STXBP5L: variants seen among roughly 807,000 people sequenced by gnomAD.
The protein encoded by STXBP5L is syntaxin binding protein 5L.
Under a neutral mutation model 144.5 loss-of-function variants are expected in STXBP5L, and 65 were observed. The observed-to-expected ratio is 0.45, with a 90% confidence interval of 0.37 to 0.55. The LOEUF (loss-of-function observed/expected upper bound fraction) is 0.55. STXBP5L is among the 20% of genes least tolerant of loss of function. STXBP5L has a pLI of 0.00. For synonymous variants in STXBP5L, 505 were observed against 469.6 expected, an observed-to-expected ratio of 1.08 and a Z score of -0.97; for missense variants, 1,298 against 1,405.5, an observed-to-expected ratio of 0.92 and a Z score of 1.22.
At chr3:120,995,069 C>T (rs1943232805) in intron 3 of STXBP5L, among the ~76,000 whole-genome samples, 2 of 152,084 alleles carry the variant, frequency 1.3e-5, no homozygotes, top group South Asian at 2.1e-4. Flanking sequence ...TATATTAAGA[C>T]ATTTACCATT....
intron 5 of STXBP5L, among the ~76,000 whole-genome samples, chr3:121,094,188 C>T (rs1318928182): frequency 1.3e-5 from 2 of 152,094 alleles, no homozygotes; most frequent in African/African-American, 2.4e-5. Flanking sequence ...AGCTTTACTT[C>T]CAACTATGTG....
intron 18 of STXBP5L, among the ~76,000 whole-genome samples, chr3:121,264,519 A>C (rs1380175601): frequency 6.6e-6 from 1 of 152,188 alleles, no homozygotes; most frequent in Non-Finnish European, 1.5e-5. Context: ...CACTGCAAAA[A>C]CATACCAAAT....
At chr3:121,057,492 A>T (rs1229887660) in intron 5 of STXBP5L, among the ~76,000 whole-genome samples, 1 of 152,094 alleles carries the variant, frequency 6.6e-6, no homozygotes, top group East Asian at 1.9e-4. Flanking sequence ...GTTACCTTCC[A>T]GTCACTTACC....
At chr3:121,253,601 G>GTA (rs1577310774) in intron 15 of STXBP5L, among the ~76,000 whole-genome samples, 1 of 147,132 alleles carries the variant, frequency 6.8e-6, no homozygotes, top group Non-Finnish European at 1.5e-5. Context: ...ATATATATGT[G>GTA]TATATATATG....
chr3:121,045,799 C>A (rs1947480722), intron 5 of STXBP5L, among the ~76,000 whole-genome samples: 1 of 152,118 alleles, frequency 6.6e-6, no homozygotes, highest in Non-Finnish European at 1.5e-5. Flanking sequence ...CTCATATTAT[C>A]TTCAAAGAGA....
chr3:121,093,135 G>A (rs1040126053), intron 5 of STXBP5L, among the ~76,000 whole-genome samples: 27 of 152,206 alleles, frequency 1.8e-4, no homozygotes, highest in Middle Eastern at 3.2e-3. Context: ...TTTGATCATG[G>A]TGGAGAAGCT....
intron 3 of STXBP5L, among the ~76,000 whole-genome samples, chr3:120,989,511 T>A (rs1942625490): frequency 6.6e-6 from 1 of 152,180 alleles, no homozygotes; most frequent in Non-Finnish European, 1.5e-5. Flanking sequence ...GTTGTTTGAA[T>A]TCCTTGTAGA....
rs145779944 is a variant in STXBP5L, at chr3:121,352,882, T to G, written c.2177-25834T>G. Reference sequence around the variant, plus strand: ...TCAATATCTAGTTTATTGAGAGTTCTTAGCATGAAGGGCTGTTGAGTTTTG... The same window carrying G: ...TCAATATCTAGTTTATTGAGAGTTCGTAGCATGAAGGGCTGTTGAGTTTTG... On this transcript the variant is annotated intron_variant, in intron 20 of 26. Transcript: ENST00000471454. 2.5e-3 allele frequency among the ~76,000 whole-genome samples: 380 copies of G among 152,326 alleles called. 2 individuals carry two copies. Among genetic ancestry groups the G allele is most frequent in the African/African-American group, 8.6e-3 (357 of 41,566 alleles).
At chr3:121,024,113 C>T (rs2107471000) in intron 3 of STXBP5L, among the ~76,000 whole-genome samples, 1 of 152,162 alleles carries the variant, frequency 6.6e-6, no homozygotes, top group East Asian at 1.9e-4. Context: ...GCGAAAGACA[C>T]TCTTAAAGGA....
intron 2 of STXBP5L, among the ~76,000 whole-genome samples, chr3:120,940,642 A>AG (rs1296155126): frequency 6.6e-6 from 1 of 151,432 alleles, no homozygotes; most frequent in Non-Finnish European, 1.5e-5. Context: ...GGGTGGAAAA[A>AG]AAAAAACAGT....
intron 3 of STXBP5L, among the ~76,000 whole-genome samples, chr3:120,996,089 CT>C (rs1463475581): frequency 6.6e-6 from 1 of 152,016 alleles, no homozygotes; most frequent in Non-Finnish European, 1.5e-5. Context: ...CTTCTGGCCT[CT>C]ATAGTTTCAG....
In STXBP5L at chr3:120,957,082, T is replaced by A. The variant is rs551627062; in HGVS notation, c.287+2045T>A. ...GAACCATTTGTTGACAAGACTGTCTTATCCATTGAATGGTACTGGCACCCT... is the reference window on the plus strand; with the variant it reads ...GAACCATTTGTTGACAAGACTGTCTAATCCATTGAATGGTACTGGCACCCT... On this transcript the variant is annotated intron_variant, in intron 3 of 26. Coordinates refer to ENST00000471454, the MANE Select transcript of STXBP5L (RefSeq NM_001308330.2). 3.5e-4 allele frequency among the ~76,000 whole-genome samples: 53 copies of A among 152,132 alleles called. 2 individuals are homozygous for A. In the South Asian group the frequency reaches 0.011, roughly 31 times the overall value.
intron 20 of STXBP5L, among the ~76,000 whole-genome samples, chr3:121,328,108 C>T (rs1305325156): frequency 6.6e-6 from 1 of 152,160 alleles, no homozygotes; most frequent in African/African-American, 2.4e-5. Flanking sequence ...AAGGCTTTAT[C>T]AAGTGTGCTG....
intron 3 of STXBP5L, among the ~76,000 whole-genome samples, chr3:120,992,146 T>G (rs1942955974): frequency 6.6e-6 from 1 of 151,934 alleles, no homozygotes; most frequent in Non-Finnish European, 1.5e-5. Context: ...TAAAAAAACT[T>G]ATTTATTTAT....
chr3:121,085,971 C>A (rs2107710375), intron 5 of STXBP5L, among the ~76,000 whole-genome samples: 1 of 152,178 alleles, frequency 6.6e-6, no homozygotes, highest in East Asian at 1.9e-4. Flanking sequence ...CCAAAACAGA[C>A]ACATAGACCA....
At chr3:121,000,010 G>A (rs746115955) in intron 3 of STXBP5L, among the ~76,000 whole-genome samples, 5 of 152,104 alleles carry the variant, frequency 3.3e-5, no homozygotes, top group African/African-American at 4.8e-5. Context: ...CTTTTTAGGT[G>A]ACCTCCCCTT....
chr3:121,125,450 A>C (rs763794082), intron 7 of STXBP5L, among the ~76,000 whole-genome samples: 1 of 152,032 alleles, frequency 6.6e-6, no homozygotes, highest in Non-Finnish European at 1.5e-5. Flanking sequence ...CAGCCTGGGC[A>C]ACAGAGCAAG....
intron 3 of STXBP5L, among the ~76,000 whole-genome samples, chr3:120,980,242 T>C (rs1397891302): frequency 6.6e-6 from 1 of 152,184 alleles, no homozygotes; most frequent in Non-Finnish European, 1.5e-5. Flanking sequence ...CTATTTAGTC[T>C]AGAGACCAAT....
rs777633704 is a variant in STXBP5L at position 121,023,449 on chromosome 3, C to G, written c.288-18251C>G. On this transcript the variant is annotated intron_variant, in intron 3 of 26. Coordinates refer to ENST00000471454, the MANE Select transcript of STXBP5L (RefSeq NM_001308330.2). ...CCCACCTAGCCAAAGCAAGACAAAGCAAAAAGAACAAATATGGAGGTATCA... is the reference window on the plus strand; with the variant it reads ...CCCACCTAGCCAAAGCAAGACAAAGGAAAAAGAACAAATATGGAGGTATCA... Among the ~76,000 whole-genome samples the G allele has an allele frequency of 2.6e-5, 4 of 152,126 alleles. No homozygotes were observed. In the South Asian group the frequency reaches 8.3e-4, roughly 32 times the overall value.
Sources: gnomAD v4.1 joint callset for allele counts (sites outside exome capture counted in the v4.1 genomes callset) on GRCh38, gnomAD v4.1.1 for gene constraint, MANE v1.5 for transcripts, NCBI Gene and HGNC (gene_info 2026-07-23, HGNC 2026-07-21) for gene names.